The following ADAMTS14 variants were observed in gnomAD, a reference collection of about 807,000 sequenced individuals.
ADAMTS14 encodes ADAM metallopeptidase with thrombospondin type 1 motif 14, also known as A disintegrin and metalloproteinase with thrombospondin motifs 14.
ADAMTS14 carries 100 observed loss-of-function variants against 128.6 expected under a neutral mutation model. The ratio of observed to expected loss-of-function variants is 0.78; its 90% CI spans 0.66 to 0.92. The LOEUF (loss-of-function observed/expected upper bound fraction) is 0.92. Ranked by LOEUF, ADAMTS14 falls within the 40% of genes least tolerant of loss-of-function variation. The pLI is 0.00. For synonymous variants in ADAMTS14, 665 were observed against 653.8 expected (o/e 1.02, Z -0.26); for missense variants, 1,562 against 1,658.6 (o/e 0.94, Z 1.01).
chr10:70,732,388 C>T (rs1014529038), intron 7 of ADAMTS14, 29 bp downstream of exon 7: 2 of 1,580,338 alleles, frequency 1.3e-6, no homozygotes, highest in Non-Finnish European at 1.7e-6. Flanking sequence ...GTGGGTGGGA[C>T]TGGCAGCTGT....
At chr10:70,685,696 T>C (rs1448085468) in intron 2 of ADAMTS14, among the ~76,000 whole-genome samples, 1 of 152,080 alleles carries the variant, frequency 6.6e-6, no homozygotes, top group African/African-American at 2.4e-5. Context: ...CTCCTGTCAG[T>C]GGAAAGGCCA....
intron 21 of ADAMTS14, among the ~76,000 whole-genome samples, chr10:70,759,514 A>T (rs1464727151): frequency 1.3e-5 from 2 of 152,188 alleles, no homozygotes; most frequent in Non-Finnish European, 2.9e-5. Context: ...TGCTTTAAAG[A>T]TGTTGTTTGC....
chr10:70,727,955 G>A (rs562981613), intron 4 of ADAMTS14, among the ~76,000 whole-genome samples: 1 of 152,166 alleles, frequency 6.6e-6, no homozygotes, highest in African/African-American at 2.4e-5. Flanking sequence ...AATTAGAAGG[G>A]TGTGGTGGCG....
intron 2 of ADAMTS14, among the ~76,000 whole-genome samples, chr10:70,678,360 G>A (rs1349951506): frequency 6.6e-6 from 1 of 152,206 alleles, no homozygotes; most frequent in African/African-American, 2.4e-5. Flanking sequence ...CATTCACTTG[G>A]TTTTCTAGAA....
At chr10:70,747,237 A>G (rs1213432059) in intron 15 of ADAMTS14, among the ~76,000 whole-genome samples, 1 of 152,138 alleles carries the variant, frequency 6.6e-6, no homozygotes, top group Admixed American at 6.5e-5. Flanking sequence ...TTGTCCCATC[A>G]GGCCATAGGC....
intron 18 of ADAMTS14, among the ~76,000 whole-genome samples, chr10:70,753,475 C>T (rs371643619): frequency 6.6e-6 from 1 of 152,202 alleles, no homozygotes; most frequent in Admixed American, 6.5e-5. Context: ...AATATGTATG[C>T]GGCTTTGAAG....
At chr10:70,702,546 C>A in intron 3 of ADAMTS14, 78 bp downstream of exon 3, 1 of 1,500,202 alleles carries the variant, frequency 6.7e-7, no homozygotes, top group Non-Finnish European at 8.9e-7. Context: ...TGTCCTTAAG[C>A]TGTCCATGTC....
chr10:70,749,665 G>A (rs1220365694), intron 15 of ADAMTS14, among the ~76,000 whole-genome samples, 157 bp from the exon 16 acceptor site: 1 of 150,794 alleles, frequency 6.6e-6, no homozygotes, highest in South Asian at 2.1e-4. Context: ...CAGGGAGCGT[G>A]TTGACCTGTC....
At chr10:70,690,516 A>G (rs1840152914) in intron 2 of ADAMTS14, among the ~76,000 whole-genome samples, 1 of 145,444 alleles carries the variant, frequency 6.9e-6, no homozygotes, top group African/African-American at 2.4e-5. Context: ...GGCCACTGCC[A>G]AGTCCCTCAT....
rs368607619 is a variant in ADAMTS14 at position 70,706,847 on chromosome 10, C to T, written c.680-1741C>T. Among the ~76,000 whole-genome samples the T allele has an allele frequency of 7.9e-5, 12 of 152,374 alleles. No individual in the cohort carries two copies. The East Asian group carries it at 1.3e-3, about 17-fold the overall frequency. ...CTCAGATCCCCATTACCTGAGCACC[C>T]GTGTGGGTAGCAGCGTAGAGGCGGC... On this transcript the variant is annotated intron_variant, in intron 3 of 21. Coordinates refer to ENST00000373207, the MANE Select transcript of ADAMTS14 (RefSeq NM_080722.4).
Position 70,761,066 on chromosome 10 carries a change from A to G in ADAMTS14, c.*213A>G. The G allele has an allele frequency of 1.4e-6, 1 of 710,748 alleles. No individual in the cohort carries two copies. The highest frequency in any genetic ancestry group is 2.1e-6 in the Non-Finnish European group (1 of 470,850). 44.0% of individuals were successfully genotyped at this position (710,748 alleles called of 1,614,324 possible). A position where few individuals can be genotyped will look rare whatever the true frequency, so the allele number is the denominator to read the frequency against. ...GGAAAGCCCTAATCGGAGATACCTC[A>G]GCAAGCTGCCCCCGGCGGGACTGAC... On this transcript the variant is annotated 3_prime_UTR_variant, in exon 22 of 22. Transcript: ENST00000373207.
intron 2 of ADAMTS14, among the ~76,000 whole-genome samples, chr10:70,687,964 G>GC (rs1840035494): frequency 1.7e-5 from 1 of 58,440 alleles, no homozygotes; most frequent in Non-Finnish European, 3.3e-5. Flanking sequence ...GCGGGGGGCT[G>GC]ACCCCCCCCC....
chr10:70,738,747 C>T (rs977619091), intron 10 of ADAMTS14, 95 bp from the exon 11 acceptor site: 2 of 1,562,262 alleles, frequency 1.3e-6, no homozygotes, highest in East Asian at 2.3e-5. Context: ...CTGCCTAAAC[C>T]CAGGCTCATG....
intron 19 of ADAMTS14, among the ~76,000 whole-genome samples, chr10:70,754,534 A>G (rs959101184): frequency 1.3e-5 from 2 of 152,156 alleles, no homozygotes; most frequent in African/African-American, 4.8e-5. Flanking sequence ...GGTGTTGCTC[A>G]AGCTGAGACC....
intron 8 of ADAMTS14, 73 bp downstream of exon 8, chr10:70,734,101 C>CT: frequency 6.4e-7 from 1 of 1,556,638 alleles, no homozygotes; most frequent in Non-Finnish European, 8.7e-7. Context: ...CATCACACAG[C>CT]TGGCTGGCTT....
rs759664212 is a variant in ADAMTS14 at position 70,760,471 on chromosome 10, C to A, written c.3290C>A (p.Ala1097Asp). The A allele has an allele frequency of 6.2e-7, 1 of 1,613,882 alleles. No homozygotes were observed. The highest frequency in any genetic ancestry group is 8.5e-7 in the Non-Finnish European group (1 of 1,179,964). ...TGCTGTGTGTCCTGCATCAAGAAGG[C>A]CTCGGGCCCCAACCCTGGCCCAGAC... ...RLCCVSCIKK[A>D]SGPNPGPDPG... The change falls in exon 22 of 22, where the codon GCC becomes GAC. Residue 1097 changes from alanine to aspartate, a missense_variant. Coordinates refer to ENST00000373207, the MANE Select transcript of ADAMTS14 (RefSeq NM_080722.4).
chr10:70,693,433 C>T (rs933375912), intron 2 of ADAMTS14, among the ~76,000 whole-genome samples: 5 of 152,098 alleles, frequency 3.3e-5, no homozygotes, highest in Admixed American at 2.0e-4. Flanking sequence ...TTCAAAGTGA[C>T]AATGGTGATC....
chr10:70,676,307 C>G (rs1839646758), intron 2 of ADAMTS14, among the ~76,000 whole-genome samples: 1 of 152,172 alleles, frequency 6.6e-6, no homozygotes, highest in South Asian at 2.1e-4. Flanking sequence ...CCTGGCTTTC[C>G]TCATGCAATT....
rs894722583 is a variant in ADAMTS14 at position 70,685,730 on chromosome 10, G to C, written c.522+10735G>C. Among the ~76,000 whole-genome samples, 5 of 152,314 alleles carry C rather than the reference G, an allele frequency of 3.3e-5. No homozygotes were observed. The East Asian group carries it at 9.6e-4, about 29-fold the overall frequency. ...CAAGCGTATGTGAACAGAAACTCAA[G>C]GTCGTAAACTGTGTGCTGTCCCGTG... is the stretch of plus-strand genomic sequence containing the variant. On this transcript the variant is annotated intron_variant, in intron 2 of 21. Coordinates refer to ENST00000373207, the MANE Select transcript of ADAMTS14 (RefSeq NM_080722.4).
Sources: gnomAD v4.1 joint callset for allele counts (sites outside exome capture counted in the v4.1 genomes callset) on GRCh38, gnomAD v4.1.1 for gene constraint, MANE v1.5 for transcripts, NCBI Gene and HGNC (gene_info 2026-07-23, HGNC 2026-07-21) for gene names.